Variants in MYPOP observed in about 807,000 individuals in gnomAD.
MYPOP encodes myb-related transcription factor, partner of profilin.
A neutral mutation model predicts 25.7 loss-of-function variants in MYPOP; 21 were observed. The observed-to-expected ratio is 0.82, with a 90% CI of 0.58 to 1.18. The LOEUF (loss-of-function observed/expected upper bound fraction) is 1.18, where lower values mean the gene tolerates loss of function less well. Ranked by LOEUF, MYPOP falls within the 50% of genes most tolerant of loss-of-function variation. The pLI is 0.00. For missense variants in MYPOP, 566 were observed against 588.3 expected (o/e 0.96, Z 0.39); for synonymous variants, 280 against 247.9 (o/e 1.13, Z -1.22).
At position 45,890,343 on chromosome 19, in the gene MYPOP, C is replaced by T; in HGVS notation, c.*280G>A. 2.8e-6 allele frequency: 1 copy of T among 362,354 alleles called. No homozygotes were observed. The highest frequency in any genetic ancestry group is 6.1e-5 in the South Asian group (1 of 16,468). 22.4% of individuals were successfully genotyped at this position (362,354 alleles called of 1,614,324 possible). On this transcript the variant is annotated 3_prime_UTR_variant, in exon 3 of 3. Transcript: ENST00000322217. ...GCAGACCCGAGAGGTTCCCTCCCCA[C>T]CCCACATAGGGCAATAATAAATAAC...
Position 45,896,319 on chromosome 19 carries a change from C to T in MYPOP, c.499+4956G>A, listed in dbSNP as rs114005432. Among the ~76,000 whole-genome samples the T allele has an allele frequency of 2.4e-3, 370 of 152,254 alleles. 3 individuals carry two copies. Among genetic ancestry groups the T allele is most frequent in the African/African-American group, 8.5e-3 (353 of 41,560 alleles). On this transcript the variant is annotated intron_variant, in intron 2 of 2. Transcript: ENST00000322217. Reference sequence around the variant, plus strand: ...CAAACAAGCAAGCAAACAAATCAGCCACCTCCTACCCTGACTGCTGGGAGT... The same window carrying T: ...CAAACAAGCAAGCAAACAAATCAGCTACCTCCTACCCTGACTGCTGGGAGT...
Position 45,901,893 on chromosome 19 carries a change from G to T in MYPOP, c.-52-68C>A, listed in dbSNP as rs1600574044. On this transcript the variant is annotated intron_variant, in intron 1 of 2. Transcript: ENST00000322217. The surrounding 1 kb of genome is among the most constrained non-coding windows in gnomAD (Gnocchi z 5.7). Reference sequence around the variant, plus strand: ...CCCCCGCCGCCGCCTCTCCCAGACCGCCGGGCCGAGAGCTCCTTAGTCCCC... The same window carrying T: ...CCCCCGCCGCCGCCTCTCCCAGACCTCCGGGCCGAGAGCTCCTTAGTCCCC... 1.2e-6 allele frequency: 1 copy of T among 822,196 alleles called. No homozygotes were observed. The highest frequency in any genetic ancestry group is 1.6e-6 in the Non-Finnish European group (1 of 617,212). The allele number at this position is 822,196 out of a possible 1,614,324, so 50.9% of individuals were successfully genotyped here. A position where few individuals can be genotyped will look rare whatever the true frequency, so the allele number is the denominator to read the frequency against.
Position 45,890,982 on chromosome 19 carries a change from GA to G in MYPOP, c.840del (p.Arg281AspfsTer7). ...TCGCTCAGTTTGGCCAGTCCCTGTC[GA>G]AGGGTGCCGGCCAGCTCCCGGATGG... ...ANAIRELAGT[L>X]RQGLAKLSEA... is the part of the protein sequence containing the mutation. On this transcript the variant is annotated frameshift_variant, in exon 3 of 3. Coordinates refer to ENST00000322217, the MANE Select transcript of MYPOP (RefSeq NM_001012643.4). LOFTEE classifies it high-confidence loss of function. 2 of 1,506,692 alleles carry G rather than the reference GA, an allele frequency of 1.3e-6. No homozygotes were observed. The highest frequency in any genetic ancestry group is 1.4e-5 in the African/African-American group (1 of 72,472). The allele number at this position is 1,506,692 out of a possible 1,614,324, so 93.3% of individuals were successfully genotyped here.
intron 2 of MYPOP, 120 bp from the exon 3 acceptor site, chr19:45,891,443 C>G: frequency 8.3e-7 from 1 of 1,212,026 alleles, no homozygotes; most frequent in Non-Finnish European, 1.1e-6. Flanking sequence ...TTCTCACCCC[C>G]GCCCCCCAGC....
In MYPOP at chr19:45,901,712, G is replaced by A. The variant is rs1967298287; in HGVS notation, c.62C>T (p.Ser21Leu). The A allele has an allele frequency of 1.3e-6, 2 of 1,579,562 alleles. No homozygotes were observed. The highest frequency in any genetic ancestry group is 1.7e-6 in the Non-Finnish European group (2 of 1,165,928). The change falls in exon 2 of 3, where the codon TCA becomes TTA. Residue 21 changes from serine (S) to leucine (L), a missense_variant. By Grantham distance (145) the Ser-to-Leu change is moderately radical (BLOSUM62 -2). Transcript: ENST00000322217. The surrounding 1 kb of genome is among the most constrained non-coding windows in gnomAD (Gnocchi z 5.7). ...GATCAGGATCTGGTTCTCTTCGAAT[G>A]AGAAGCGCGGCTTGCGCAACCGGGT... ...ETTRLRKPRF[S>L]FEENQILIRE...
intron 2 of MYPOP, among the ~76,000 whole-genome samples, chr19:45,899,504 C>T (rs1324806233): frequency 1.3e-5 from 2 of 152,114 alleles, no homozygotes; most frequent in Non-Finnish European, 2.9e-5. Flanking sequence ...GATTGTGTCA[C>T]CTTCCTGCTT....
Position 45,890,673 on chromosome 19 carries a change from T to C in MYPOP, c.1150A>G (p.Arg384Gly), listed in dbSNP as rs1362444514. The C allele has an allele frequency of 4.5e-6, 6 of 1,345,644 alleles. No individual in the cohort carries two copies. The African/African-American group carries it at 8.2e-5, about 18-fold the overall frequency. The allele number at this position is 1,345,644 out of a possible 1,614,324, so 83.4% of individuals were successfully genotyped here. ...CTTTTCCGTGTAGGGAAACCTTTTC[T>C]CCGCTTGTGTGGGGGGGAGTCGTGC... ...PPHDSPPHKRRKGFPTRKRRG... is the reference protein window; with the variant it reads ...PPHDSPPHKRGKGFPTRKRRG... The change falls in exon 3 of 3, where the codon AGA (arginine) becomes GGA (glycine). Residue 384 changes from arginine (R) to glycine (G), a missense_variant. Coordinates refer to ENST00000322217, the MANE Select transcript of MYPOP (RefSeq NM_001012643.4).
intron 2 of MYPOP, among the ~76,000 whole-genome samples, chr19:45,899,083 A>G (rs1044038043): frequency 3.9e-5 from 6 of 152,100 alleles, no homozygotes; most frequent in South Asian, 2.1e-4. Flanking sequence ...AAAATTAGCC[A>G]GGCATGGTGG....
In MYPOP at chr19:45,901,865, G is replaced by T. The variant is rs1286910422; in HGVS notation, c.-52-40C>A. ...CGCACGGGGCTGGCTGGGGTTCGGG[G>T]TCCCCCCGCCGCCGCCTCTCCCAGA... On this transcript the variant is annotated intron_variant, in intron 1 of 2. Transcript: ENST00000322217. This position sits in a 1 kb window ranked among gnomAD's most constrained non-coding sequence, Gnocchi z 5.7. The T allele has an allele frequency of 2.8e-6, 3 of 1,075,238 alleles. No homozygotes were observed. The highest frequency in any genetic ancestry group is 3.6e-6 in the Non-Finnish European group (3 of 843,814). The allele number at this position is 1,075,238 out of a possible 1,614,324, so 66.6% of individuals were successfully genotyped here. A position where few individuals can be genotyped will look rare whatever the true frequency, so the allele number is the denominator to read the frequency against.
Position 45,891,079 on chromosome 19 carries a change from C to A in MYPOP, c.744G>T (p.Arg248=), listed in dbSNP as rs1324202355. Residue 248 remains arginine, a synonymous_variant, in exon 3 of 3, where the codon CGG becomes CGT. Coordinates refer to ENST00000322217, the MANE Select transcript of MYPOP (RefSeq NM_001012643.4). The stretch of plus-strand genomic sequence containing the variant: ...CTGAGGCCGAGAGCGTGGGTGGAGG[C>A]CGAGGAGGGGGTGGGGGGCTAGGGG... The part of the protein sequence containing the change: ...PSPPSPPPPP[R]PPPTLSASDP... 1 of 1,139,302 alleles carries A rather than the reference C, an allele frequency of 8.8e-7. No individual in the cohort carries two copies. Among genetic ancestry groups the A allele is most frequent in the Non-Finnish European group, 1.1e-6 (1 of 892,946 alleles). The allele number at this position is 1,139,302 out of a possible 1,614,324, so 70.6% of individuals were successfully genotyped here.
intron 2 of MYPOP, among the ~76,000 whole-genome samples, chr19:45,898,802 G>A (rs937758585): frequency 1.3e-5 from 2 of 152,076 alleles, no homozygotes; most frequent in African/African-American, 4.8e-5. Context: ...TGATTACCCT[G>A]TCTGTATAGC....
rs1161855255 is a variant in MYPOP at position 45,890,337 on chromosome 19, T to C, written c.*286A>G. On this transcript the variant is annotated 3_prime_UTR_variant, in exon 3 of 3. Transcript: ENST00000322217. ...AGATGTGCAGACCCGAGAGGTTCCC[T>C]CCCCACCCCACATAGGGCAATAATA... 14 of 349,946 alleles carry C rather than the reference T, an allele frequency of 4.0e-5. No individual in the cohort carries two copies. In the South Asian group the frequency reaches 8.3e-4, roughly 21 times the overall value. The allele number at this position is 349,946 out of a possible 1,614,324, so 21.7% of individuals were successfully genotyped here.
Position 45,891,150 on chromosome 19 carries a change from G to A in MYPOP, c.673C>T (p.Pro225Ser), listed in dbSNP as rs1467571602. The change falls in exon 3 of 3, where the codon CCT becomes TCT. Residue 225 changes from proline to serine, a missense_variant. Coordinates refer to ENST00000322217, the MANE Select transcript of MYPOP (RefSeq NM_001012643.4). ...AGTGGCGGTGGGGGTGGCAGTGGAGGGGCTGGGGGTGGTGGAGACAAGGCC... is the reference window on the plus strand; with the variant it reads ...AGTGGCGGTGGGGGTGGCAGTGGAGAGGCTGGGGGTGGTGGAGACAAGGCC... ...RLALSPPPPA[P>S]PLPPPPPLAQ... The A allele has an allele frequency of 1.3e-5, 19 of 1,504,112 alleles. No individual in the cohort carries two copies. Among genetic ancestry groups the A allele is most frequent in the Non-Finnish European group, 1.7e-5 (19 of 1,128,356 alleles). The allele number at this position is 1,504,112 out of a possible 1,614,324, so 93.2% of individuals were successfully genotyped here. A position where few individuals can be genotyped will look rare whatever the true frequency, so the allele number is the denominator to read the frequency against.
intron 2 of MYPOP, among the ~76,000 whole-genome samples, chr19:45,897,314 C>T (rs558839878): frequency 8.6e-5 from 13 of 151,942 alleles, no homozygotes; most frequent in South Asian, 8.3e-4. Flanking sequence ...CCGTGTACCT[C>T]GGCCTCCCAG....
At position 45,890,717 on chromosome 19, in the gene MYPOP, G is replaced by C. The variant is rs751916197; in HGVS notation, c.1106C>G (p.Pro369Arg). The C allele has an allele frequency of 7.0e-6, 11 of 1,582,388 alleles. No homozygotes were observed. The South Asian group carries it at 1.2e-4, about 18-fold the overall frequency. Residue 369 changes from proline to arginine, a missense_variant, in exon 3 of 3, where the codon CCC becomes CGC. Physicochemically the swap from Pro to Arg is moderately radical, Grantham distance 103. Transcript: ENST00000322217. The part of the protein sequence containing the change: ...PRSEEGAPRP[P>R]PAPLPPHDSP... ...GTCGTGCGGAGGGAGCGGGGCTGGG[G>C]GGGGCCGGGGTGCCCCCTCCTCGCT...
chr19:45,894,058 G>A (rs1456804294), intron 2 of MYPOP, among the ~76,000 whole-genome samples: 2 of 150,958 alleles, frequency 1.3e-5, no homozygotes, highest in Non-Finnish European at 3.0e-5. Context: ...CAAAGTGCTG[G>A]GATTACAGGC....
At chr19:45,900,510 A>G (rs529951939) in intron 2 of MYPOP, among the ~76,000 whole-genome samples, 10 of 78,214 alleles carry the variant, frequency 1.3e-4, no homozygotes, top group Non-Finnish European at 2.1e-4. Context: ...GGGATCCCCT[A>G]CCCCAGCCCT....
At chr19:45,898,840 A>G (rs185997582) in intron 2 of MYPOP, among the ~76,000 whole-genome samples, 3 of 152,238 alleles carry the variant, frequency 2.0e-5, no homozygotes, top group Admixed American at 2.0e-4. Flanking sequence ...CATCCTCTGA[A>G]TATGACTTAT....
Position 45,899,826 on chromosome 19 carries a change from G to T in MYPOP, c.499+1449C>A, listed in dbSNP as rs557402795. Among the ~76,000 whole-genome samples, 64 of 152,300 alleles carry T rather than the reference G, an allele frequency of 4.2e-4. 1 individual carries two copies. The highest frequency in any genetic ancestry group is 1.5e-3 in the African/African-American group (64 of 41,550). On this transcript the variant is annotated intron_variant, in intron 2 of 2. Coordinates refer to ENST00000322217, the MANE Select transcript of MYPOP (RefSeq NM_001012643.4). ...ACTGCACTCCAGCCTGGGCAACAGA[G>T]CAAGACTCCGTCTCAAAACAAAAAA...
Sources: gnomAD v4.1 joint callset for allele counts (sites outside exome capture counted in the v4.1 genomes callset) on GRCh38, gnomAD v4.1.1 for gene constraint, Gnocchi (gnomAD v3.1) non-coding constraint, MANE v1.5 for transcripts, NCBI Gene and HGNC (gene_info 2026-07-23, HGNC 2026-07-21) for gene names.